LINGO2: variants seen among roughly 807,000 people sequenced by gnomAD.
LINGO2 encodes leucine-rich repeat and immunoglobulin-like domain-containing nogo receptor-interacting protein 2.
Under a neutral mutation model 30.6 loss-of-function variants are expected in LINGO2, and 14 were observed. The observed-to-expected ratio is 0.46, with a 90% CI of 0.30 to 0.72. The LOEUF (loss-of-function observed/expected upper bound fraction) is 0.72, where lower values mean the gene tolerates loss of function less well. Among genes scored for constraint, LINGO2 ranks in the 30% least tolerant of loss-of-function variants. LINGO2 has a pLI of 0.07. For synonymous variants in LINGO2, 317 were observed against 288.5 expected (o/e 1.10, Z -1.00); for missense variants, 729 against 751.7 (o/e 0.97, Z 0.35).
At chr9:28,050,683 T>C (rs529754469) in intron 4 of LINGO2, among the ~76,000 whole-genome samples, 1 of 150,920 alleles carries the variant, frequency 6.6e-6, no homozygotes, top group South Asian at 2.1e-4. Flanking sequence ...TACCATTGCT[T>C]CGTGGTTATG....
At chr9:28,728,063 G>A in the LINGO2 span, among the ~76,000 whole-genome samples, 1 of 152,132 alleles carries the variant, frequency 6.6e-6, no homozygotes. Flanking sequence ...AATTAAAAGT[G>A]GTCAGAAGGA....
In LINGO2 at chr9:28,415,406, G is replaced by A. The variant is rs530850171; in HGVS notation, c.-278-42538C>T. On this transcript the variant is annotated intron_variant, in intron 2 of 5. Transcript: ENST00000379992. ...TCTGGATGTTAATACTTTCCAAAAT[G>A]ATCAATGGCATCCCATTATATTGAC... Among the ~76,000 whole-genome samples the A allele has an allele frequency of 2.6e-5, 4 of 152,248 alleles. No individual in the cohort carries two copies. In the South Asian group the frequency reaches 8.3e-4, roughly 32 times the overall value.
At position 28,508,782 on chromosome 9, in the gene LINGO2, C is replaced by T. The variant is rs368448659; in HGVS notation, c.-364-32757G>A. On this transcript the variant is annotated intron_variant, in intron 1 of 5. Transcript: ENST00000379992. ...AAACTCTATTTGTAGAGTAGAACAA[C>T]CATGACAGTTAACAGACAGAAACAA... Among the ~76,000 whole-genome samples, 223 of 152,100 alleles carry T rather than the reference C, an allele frequency of 1.5e-3. 1 individual carries two copies. The highest frequency in any genetic ancestry group is 5.1e-3 in the African/African-American group (213 of 41,522).
chr9:28,961,091 C>A, the LINGO2 span, among the ~76,000 whole-genome samples: 1 of 152,084 alleles, frequency 6.6e-6, no homozygotes, highest in African/African-American at 2.4e-5. Flanking sequence ...AGCATTCAGA[C>A]ATTGGTAATA....
chr9:28,044,842 A>G (rs1252600913), intron 4 of LINGO2, among the ~76,000 whole-genome samples: 2 of 152,188 alleles, frequency 1.3e-5, no homozygotes, highest in Admixed American at 6.5e-5. Flanking sequence ...GAGAAAGCTG[A>G]AAGTGCAGGG....
the LINGO2 span, among the ~76,000 whole-genome samples, chr9:29,017,794 G>A: frequency 3.3e-5 from 5 of 152,044 alleles, no homozygotes; most frequent in Admixed American, 2.0e-4. Context: ...TCCTGCAAAT[G>A]GGAGAATCAC....
intron 2 of LINGO2, among the ~76,000 whole-genome samples, chr9:28,403,859 A>G (rs1420250482): frequency 1.3e-5 from 2 of 152,164 alleles, no homozygotes; most frequent in Admixed American, 6.6e-5. Context: ...TTATTTGCAC[A>G]TGGAATATGA....
chr9:29,055,844 T>G, the LINGO2 span, among the ~76,000 whole-genome samples: 1 of 151,810 alleles, frequency 6.6e-6, no homozygotes, highest in South Asian at 2.1e-4. Context: ...GTTACTACAT[T>G]TAGAGTAATG....
chr9:28,886,237 A>C, the LINGO2 span, among the ~76,000 whole-genome samples: 1 of 152,150 alleles, frequency 6.6e-6, no homozygotes, highest in African/African-American at 2.4e-5. Context: ...AGAGAAGATA[A>C]AACATTGATA....
At chr9:28,976,185 G>C in the LINGO2 span, among the ~76,000 whole-genome samples, 1 of 152,112 alleles carries the variant, frequency 6.6e-6, no homozygotes, top group Admixed American at 6.6e-5. Flanking sequence ...TAAAGGTCAG[G>C]GGGCTGCTTT....
chr9:28,109,442 G>A (rs899602482), intron 4 of LINGO2, among the ~76,000 whole-genome samples: 1 of 151,852 alleles, frequency 6.6e-6, no homozygotes, highest in Non-Finnish European at 1.5e-5. Flanking sequence ...ATAGGAAGAG[G>A]TGAAGTCAAA....
At chr9:28,405,192 C>T (rs377103142) in intron 2 of LINGO2, among the ~76,000 whole-genome samples, 7 of 152,046 alleles carry the variant, frequency 4.6e-5, no homozygotes, top group African/African-American at 1.7e-4. Context: ...TCAAAGAACA[C>T]TAATATATAT....
At chr9:28,518,786 G>A (rs529993028) in intron 1 of LINGO2, among the ~76,000 whole-genome samples, 4 of 152,152 alleles carry the variant, frequency 2.6e-5, no homozygotes, top group Non-Finnish European at 4.4e-5. Context: ...TCCTTTTGAG[G>A]GCTCCATGTC....
chr9:28,835,444 A>G, the LINGO2 span, among the ~76,000 whole-genome samples: 1 of 152,176 alleles, frequency 6.6e-6, no homozygotes, highest in Non-Finnish European at 1.5e-5. Context: ...AGCTCTCTTC[A>G]CCTAGCCATT....
chr9:28,815,337 A>T, the LINGO2 span, among the ~76,000 whole-genome samples: 1 of 152,228 alleles, frequency 6.6e-6, no homozygotes, highest in East Asian at 1.9e-4. Context: ...TCTGGCTGAG[A>T]GGGAGAATTT....
intron 4 of LINGO2, among the ~76,000 whole-genome samples, chr9:28,135,705 T>A (rs1171326715): frequency 6.6e-6 from 1 of 152,068 alleles, no homozygotes; most frequent in Non-Finnish European, 1.5e-5. Flanking sequence ...TTTATTTACA[T>A]TGCTATTCCC....
At chr9:28,471,614 A>G (rs1308923826) in intron 2 of LINGO2, among the ~76,000 whole-genome samples, 1 of 152,182 alleles carries the variant, frequency 6.6e-6, no homozygotes. Context: ...ACAATGGGAT[A>G]CCACAGTATA....
intron 1 of LINGO2, among the ~76,000 whole-genome samples, chr9:28,570,487 C>T (rs950823412): frequency 4.6e-5 from 7 of 151,532 alleles, no homozygotes; most frequent in African/African-American, 1.7e-4. Context: ...AAAAATTTTA[C>T]TTGGGGGAAA....
At chr9:28,615,933 T>C (rs1728680182) in intron 1 of LINGO2, among the ~76,000 whole-genome samples, 1 of 152,132 alleles carries the variant, frequency 6.6e-6, no homozygotes, top group Admixed American at 6.6e-5. Context: ...TATGACTCCA[T>C]GTAAATTTAA....
Sources: gnomAD v4.1 joint callset for allele counts (sites outside exome capture counted in the v4.1 genomes callset) on GRCh38, gnomAD v4.1.1 for gene constraint, MANE v1.5 for transcripts, NCBI Gene and HGNC (gene_info 2026-07-23, HGNC 2026-07-21) for gene names.